The following RALGPS1 variants were observed in gnomAD, a reference collection of about 807,000 sequenced individuals.
The protein encoded by RALGPS1 is Ral GEF with PH domain and SH3 binding motif 1.
RALGPS1 carries 19 observed loss-of-function variants against 78.8 expected under a neutral mutation model. That is an observed-to-expected ratio of 0.24 (90% CI 0.17 to 0.35). RALGPS1 has a LOEUF of 0.35. Ranked by LOEUF, RALGPS1 falls within the 10% of genes least tolerant of loss-of-function variation. The probability of loss-of-function intolerance (pLI) is 1.00; values close to 1 mark genes in which losing one functional copy is unlikely to be tolerated. For missense variants in RALGPS1, 454 were observed against 688.3 expected, an observed-to-expected ratio of 0.66 and a Z score of 3.81; for synonymous variants, 228 against 256.3, an observed-to-expected ratio of 0.89 and a Z score of 1.06.
intron 1 of RALGPS1, among the ~76,000 whole-genome samples, chr9:126,934,808 G>A (rs1404124883): frequency 1.3e-5 from 2 of 152,124 alleles, no homozygotes; most frequent in Admixed American, 6.5e-5. Flanking sequence ...CCTCAGTCAG[G>A]TCCCTGTACC....
chr9:127,212,770 G>A lies in RALGPS1; in HGVS notation c.1446+51G>A, dbSNP rs1286339310. 1 of 1,534,990 alleles carries A rather than the reference G, an allele frequency of 6.5e-7. No homozygotes were observed. Among genetic ancestry groups the A allele is most frequent in the Admixed American group, 1.8e-5 (1 of 56,960 alleles). On this transcript the variant is annotated intron_variant, in intron 16 of 18. Transcript: ENST00000259351. The surrounding 1 kb of genome is among the most constrained non-coding windows in gnomAD (Gnocchi z 6.0). ...GCTGGGACTTCCTCTAGTGGGGAAG[G>A]GACCTCTGTGAACTGTGGAGGATGG...
intron 8 of RALGPS1, among the ~76,000 whole-genome samples, chr9:127,097,855 C>G (rs2053306157): frequency 6.6e-6 from 1 of 152,198 alleles, no homozygotes; most frequent in African/African-American, 2.4e-5. Context: ...TCGATGGCCT[C>G]ACCTATGCAC....
In RALGPS1 at chr9:127,067,932, A is replaced by G. The variant is rs560539208; in HGVS notation, c.484-1298A>G. Among the ~76,000 whole-genome samples the G allele has an allele frequency of 2.8e-4, 42 of 152,344 alleles. 1 individual carries two copies. The East Asian group carries it at 7.9e-3, about 29-fold the overall frequency. ...GTCAGCCATGTTGCCATTTTCTGGC[A>G]CTGGGCCTTGACTTGGGACTTTCAG... On this transcript the variant is annotated intron_variant, in intron 7 of 18. Coordinates refer to ENST00000259351, the MANE Select transcript of RALGPS1 (RefSeq NM_014636.3).
At chr9:127,061,729 A>G (rs1337086340) in intron 7 of RALGPS1, among the ~76,000 whole-genome samples, 1 of 152,132 alleles carries the variant, frequency 6.6e-6, no homozygotes, top group Admixed American at 6.5e-5. Flanking sequence ...TTTGGGTAAT[A>G]GAGTTTGTTC....
intron 8 of RALGPS1, among the ~76,000 whole-genome samples, chr9:127,143,800 T>C (rs1234608126): frequency 6.6e-6 from 1 of 152,248 alleles, no homozygotes; most frequent in African/African-American, 2.4e-5. Flanking sequence ...GAGTTCCCAC[T>C]GAAAACAACC....
chr9:127,219,850 C>G lies in RALGPS1; in HGVS notation c.*1081C>G, dbSNP rs2062726978. 6.6e-6 allele frequency: 1 copy of G among 152,670 alleles called. No individual in the cohort carries two copies. The highest frequency in any genetic ancestry group is 1.5e-5 in the Non-Finnish European group (1 of 68,068). 9.5% of individuals were successfully genotyped at this position (152,670 alleles called of 1,614,324 possible). On this transcript the variant is annotated 3_prime_UTR_variant, in exon 19 of 19. Transcript: ENST00000259351. This position sits in a 1 kb window ranked among gnomAD's most constrained non-coding sequence, Gnocchi z 5.0. ...GATCATGACGGGAAGCTGAGTGACC[C>G]TGAGGCCTTAAGCTTCCCCAGTCTT... is the stretch of plus-strand genomic sequence containing the variant.
chr9:127,034,311 G>A (rs1019403878), intron 4 of RALGPS1, 120 bp from the exon 5 acceptor site: 6 of 842,666 alleles, frequency 7.1e-6, no homozygotes, highest in African/African-American at 6.6e-5. Flanking sequence ...GTAAAGATGG[G>A]AACAGCCAAG....
At chr9:126,930,611 T>A (rs1490337829) in intron 1 of RALGPS1, among the ~76,000 whole-genome samples, 1 of 152,010 alleles carries the variant, frequency 6.6e-6, no homozygotes, top group Non-Finnish European at 1.5e-5. Flanking sequence ...CCCAGCTAAT[T>A]AAAAAAATAT....
intron 3 of RALGPS1, among the ~76,000 whole-genome samples, chr9:126,969,112 A>C (rs185650010): frequency 6.6e-6 from 1 of 152,374 alleles, no homozygotes; most frequent in Non-Finnish European, 1.5e-5. Context: ...ATTACTTGTA[A>C]TAATATGTTT....
chr9:127,188,395 A>G (rs191402581), intron 11 of RALGPS1, among the ~76,000 whole-genome samples: 82 of 152,194 alleles, frequency 5.4e-4, no homozygotes, highest in Non-Finnish European at 8.8e-4. Context: ...TCAGTCCTCT[A>G]TACACCTCTC....
At chr9:127,024,371 A>C (rs2045774108) in intron 4 of RALGPS1, among the ~76,000 whole-genome samples, 3 of 150,996 alleles carry the variant, frequency 2.0e-5, no homozygotes, top group African/African-American at 7.3e-5. Flanking sequence ...TTTATTTGGC[A>C]CACCAAAGCC....
rs1252556850 is a variant in RALGPS1 at position 127,049,940 on chromosome 9, T to C, written c.301-103T>C. 15 of 853,942 alleles carry C rather than the reference T, an allele frequency of 1.8e-5. 1 individual carries two copies. The Admixed American group carries it at 2.6e-4, about 15-fold the overall frequency. The allele number at this position is 853,942 out of a possible 1,614,324, so 52.9% of individuals were successfully genotyped here. A position where few individuals can be genotyped will look rare whatever the true frequency, so the allele number is the denominator to read the frequency against. On this transcript the variant is annotated intron_variant, in intron 5 of 18. Coordinates refer to ENST00000259351, the MANE Select transcript of RALGPS1 (RefSeq NM_014636.3). Reference sequence around the variant, plus strand: ...ATCCTCTCCCAGTTTCCTGACCTCTTGGAAATCCCATAACAGCGGTGGGCA... The same window carrying C: ...ATCCTCTCCCAGTTTCCTGACCTCTCGGAAATCCCATAACAGCGGTGGGCA...
intron 14 of RALGPS1, among the ~76,000 whole-genome samples, chr9:127,201,153 A>C (rs1401779237): frequency 6.6e-6 from 1 of 152,246 alleles, no homozygotes; most frequent in African/African-American, 2.4e-5. Flanking sequence ...AGGCCACAGC[A>C]TTTCATAGCA....
rs539204984 is a variant in RALGPS1 at position 127,047,698 on chromosome 9, C to CA, written c.301-2330dup. On this transcript the variant is annotated intron_variant, in intron 5 of 18. Coordinates refer to ENST00000259351, the MANE Select transcript of RALGPS1 (RefSeq NM_014636.3). ...TCGGTGACAGAGCGAGACGCCCTCT[C>CA]AAAAAAAAAAAAAAAGGAAAAAAAG... Among the ~76,000 whole-genome samples, 567 of 84,764 alleles carry CA rather than the reference C, an allele frequency of 6.7e-3. 3 individuals carry two copies. Among genetic ancestry groups the CA allele is most frequent in the South Asian group, 9.5e-3 (28 of 2,952 alleles). 55.6% of individuals were successfully genotyped at this position (84,764 alleles called of 152,430 possible). A position where few individuals can be genotyped will look rare whatever the true frequency, so the allele number is the denominator to read the frequency against.
intron 1 of RALGPS1, among the ~76,000 whole-genome samples, chr9:126,951,116 A>C (rs1465664958): frequency 1.3e-5 from 2 of 152,156 alleles, no homozygotes; most frequent in Non-Finnish European, 2.9e-5. Context: ...AGTCTAAACC[A>C]GGAAGAAGTT....
chr9:127,064,785 T>C (rs1000720588), intron 7 of RALGPS1, among the ~76,000 whole-genome samples: 1 of 152,244 alleles, frequency 6.6e-6, no homozygotes, highest in Non-Finnish European at 1.5e-5. Context: ...TAGGAATGAG[T>C]AAATATGCGT....
At chr9:127,138,501 C>T (rs985794919) in intron 8 of RALGPS1, among the ~76,000 whole-genome samples, 10 of 152,198 alleles carry the variant, frequency 6.6e-5, no homozygotes, top group South Asian at 6.2e-4. Context: ...AGGCAGAACC[C>T]TGAACCATCC....
intron 3 of RALGPS1, among the ~76,000 whole-genome samples, chr9:126,976,745 C>A (rs974687117): frequency 6.6e-6 from 1 of 152,150 alleles, no homozygotes; most frequent in African/African-American, 2.4e-5. Context: ...TAAAGGCATC[C>A]AAAGGTCTTC....
At chr9:127,109,234 C>T (rs1442472491) in intron 8 of RALGPS1, among the ~76,000 whole-genome samples, 1 of 152,336 alleles carries the variant, frequency 6.6e-6, no homozygotes, top group East Asian at 1.9e-4. Context: ...GAACTTTCCC[C>T]TTGTAATACC....
Sources: allele counts gnomAD v4.1 joint callset (sites outside exome capture counted in the v4.1 genomes callset), GRCh38; gene constraint gnomAD v4.1.1; non-coding constraint Gnocchi (gnomAD v3.1); transcripts MANE v1.5; gene names NCBI Gene and HGNC (gene_info 2026-07-23, HGNC 2026-07-21).